The following FRMD4B variants were observed in gnomAD, a reference collection of about 807,000 sequenced individuals.
FRMD4B encodes the protein FERM domain-containing protein 4B.
FRMD4B carries 74 observed loss-of-function variants against 141.5 expected under a neutral mutation model. That is an observed-to-expected ratio of 0.52 (90% CI 0.43 to 0.63). FRMD4B has a LOEUF of 0.63. Among genes scored for constraint, FRMD4B ranks in the 30% least tolerant of loss-of-function variants. The pLI is 0.00. For synonymous variants in FRMD4B, 506 were observed against 467.9 expected, an observed-to-expected ratio of 1.08 and a Z score of -1.05; for missense variants, 1,366 against 1,253.4, an observed-to-expected ratio of 1.09 and a Z score of -1.36.
At chr3:69,412,365 T>C (rs1704774142) in intron 2 of FRMD4B, among the ~76,000 whole-genome samples, 1 of 152,198 alleles carries the variant, frequency 6.6e-6, no homozygotes, top group Admixed American at 6.5e-5. Context: ...GGAGTCAGAC[T>C]ATGTGGTGGA....
chr3:69,277,260 T>C (rs1008749272), intron 5 of FRMD4B, among the ~76,000 whole-genome samples: 2 of 152,112 alleles, frequency 1.3e-5, no homozygotes, highest in African/African-American at 4.8e-5. Flanking sequence ...TTCTTCTCCA[T>C]TTTGTTATGT....
At chr3:69,481,553 G>A (rs1231907786) in intron 1 of FRMD4B, among the ~76,000 whole-genome samples, 1 of 152,154 alleles carries the variant, frequency 6.6e-6, no homozygotes, top group African/African-American at 2.4e-5. Flanking sequence ...CAGTAAGAAT[G>A]GCAGGGAGGA....
intron 1 of FRMD4B, among the ~76,000 whole-genome samples, chr3:69,359,274 GGATTAAGACT>G (rs1310771182): frequency 2.6e-5 from 4 of 152,174 alleles, no homozygotes; most frequent in Non-Finnish European, 4.4e-5. Context: ...GTGAGCTCCT[GGATTAAGACT>G]GGAGGTCAGG....
Position 69,502,177 on chromosome 3 carries a change from G to A in FRMD4B, c.-129+40029C>T, listed in dbSNP as rs376270549. 8.5e-5 allele frequency among the ~76,000 whole-genome samples: 13 copies of A among 152,114 alleles called. 1 individual carries two copies. The South Asian group carries it at 1.0e-3, about 12-fold the overall frequency. ...GACTTTCTTCACAGAATTGGAAAAAGCTACTTTAAAGTTCATATGGAATCA... is the reference window on the plus strand; with the variant it reads ...GACTTTCTTCACAGAATTGGAAAAAACTACTTTAAAGTTCATATGGAATCA... On this transcript the variant is annotated intron_variant, in intron 1 of 5. Transcript: ENST00000459638.
chr3:69,453,021 T>G (rs1048720296), intron 1 of FRMD4B, among the ~76,000 whole-genome samples: 4 of 152,250 alleles, frequency 2.6e-5, no homozygotes, highest in Non-Finnish European at 5.9e-5. Context: ...TTACACTACA[T>G]CTCAATTTGG....
chr3:69,356,649 T>A (rs1703332398), intron 1 of FRMD4B, among the ~76,000 whole-genome samples: 1 of 148,814 alleles, frequency 6.7e-6, no homozygotes. Flanking sequence ...TATACATATA[T>A]ATATAATATC....
intron 2 of FRMD4B, among the ~76,000 whole-genome samples, chr3:69,411,353 T>A (rs1309935607): frequency 6.6e-6 from 1 of 152,148 alleles, no homozygotes; most frequent in Non-Finnish European, 1.5e-5. Context: ...ATGACTCAAC[T>A]CACAAAAATA....
intron 7 of FRMD4B, chr3:69,228,703 T>G (rs1254021391): frequency 6.1e-6 from 2 of 325,578 alleles, no homozygotes; most frequent in African/African-American, 4.3e-5. Flanking sequence ...CCAGGTGTCA[T>G]GGCATGTGCC....
intron 1 of FRMD4B, among the ~76,000 whole-genome samples, chr3:69,352,260 T>A (rs1703174993): frequency 6.6e-6 from 1 of 152,170 alleles, no homozygotes. Flanking sequence ...ACTCTGAGAA[T>A]CCAGGTCACA....
chr3:69,202,190 C>T (rs770535512), intron 11 of FRMD4B, among the ~76,000 whole-genome samples: 15 of 151,782 alleles, frequency 9.9e-5, no homozygotes, highest in Middle Eastern at 3.4e-3. Context: ...GCGACAAGAG[C>T]GAAAATCCGT....
chr3:69,172,821 C>T (rs9310140), intron 22 of FRMD4B, among the ~76,000 whole-genome samples: 135,571 of 152,270 alleles, frequency 0.89, 61,857 homozygotes, highest in Non-Finnish European at 0.99. Context: ...AGAGATTAGA[C>T]AGTTAGTTGA....
Position 69,212,389 on chromosome 3 carries a change from A to AT in FRMD4B, c.876+3873_876+3874insA, listed in dbSNP as rs1336800575. 5.1e-5 allele frequency among the ~76,000 whole-genome samples: 7 copies of AT among 138,266 alleles called. No individual in the cohort carries two copies. In the East Asian group the frequency reaches 1.4e-3, roughly 27 times the overall value. The allele number at this position is 138,266 out of a possible 152,430, so 90.7% of individuals were successfully genotyped here. A position where few individuals can be genotyped will look rare whatever the true frequency, so the allele number is the denominator to read the frequency against. On this transcript the variant is annotated intron_variant, in intron 11 of 22. Coordinates refer to ENST00000398540, the MANE Select transcript of FRMD4B (RefSeq NM_015123.3). ...AAAAAAAAAAAAAAAAAGAAAAAAA[A>AT]AAAGAAAAAAAAGAAAAAAAGCGAT...
chr3:69,387,498 C>A (rs1306171542), upstream of FRMD4B, among the ~76,000 whole-genome samples: 1 of 152,132 alleles, frequency 6.6e-6, no homozygotes. Flanking sequence ...TTTCCTGAAT[C>A]CATCTGTAAG....
At chr3:69,378,474 A>T (rs1297668086) in intron 1 of FRMD4B, among the ~76,000 whole-genome samples, 1 of 152,204 alleles carries the variant, frequency 6.6e-6, no homozygotes, top group East Asian at 1.9e-4. Context: ...CCAGTGATTG[A>T]ATAGATAGTA....
chr3:69,512,445 C>CA (rs1706705199), intron 1 of FRMD4B, among the ~76,000 whole-genome samples: 1 of 152,118 alleles, frequency 6.6e-6, no homozygotes, highest in Non-Finnish European at 1.5e-5. Context: ...CCTGAAAATA[C>CA]AATGGTTTAA....
chr3:69,201,952 C>T (rs978976607), intron 11 of FRMD4B, among the ~76,000 whole-genome samples: 5 of 152,092 alleles, frequency 3.3e-5, no homozygotes, highest in African/African-American at 9.7e-5. Context: ...GCCTGCAATC[C>T]CAGCACTTTG....
At chr3:69,461,447 A>G (rs1317887981) in intron 1 of FRMD4B, among the ~76,000 whole-genome samples, 1 of 151,860 alleles carries the variant, frequency 6.6e-6, no homozygotes, top group East Asian at 1.9e-4. Flanking sequence ...CAACATAGTG[A>G]GACCCCCATC....
chr3:69,426,645 T>C (rs1275127771), intron 2 of FRMD4B, among the ~76,000 whole-genome samples: 1 of 152,176 alleles, frequency 6.6e-6, no homozygotes, highest in Non-Finnish European at 1.5e-5. Flanking sequence ...GAGTGCCATA[T>C]TTGTTCATTA....
At chr3:69,286,318 G>A (rs1201393749) in intron 5 of FRMD4B, among the ~76,000 whole-genome samples, 1 of 152,192 alleles carries the variant, frequency 6.6e-6, no homozygotes. Context: ...ATAATGTCAT[G>A]TGCATCTGTA....
Sources: gnomAD v4.1 joint callset for allele counts (sites outside exome capture counted in the v4.1 genomes callset) on GRCh38, gnomAD v4.1.1 for gene constraint, MANE v1.5 for transcripts, NCBI Gene and HGNC (gene_info 2026-07-23, HGNC 2026-07-21) for gene names.